The following STPG2 variants were observed in gnomAD, a reference collection of about 807,000 sequenced individuals.
STPG2 encodes sperm-tail PG-rich repeat-containing protein 2.
In STPG2, 56 loss-of-function variants were observed where a neutral mutation model predicts 54.2. The ratio of observed to expected loss-of-function variants is 1.03; its 90% CI spans 0.83 to 1.29. The LOEUF is 1.29. Among genes scored for constraint, STPG2 ranks in the 50% most tolerant of loss-of-function variants. The pLI is 0.00. For missense variants in STPG2, 596 were observed against 544.9 expected, an observed-to-expected ratio of 1.09 and a Z score of -0.93; for synonymous variants, 200 against 181.8, an observed-to-expected ratio of 1.10 and a Z score of -0.81.
intron 10 of STPG2, among the ~76,000 whole-genome samples, 159 bp from the exon 11 acceptor site, chr4:97,559,276 T>C (rs1352009522): frequency 6.6e-6 from 1 of 152,218 alleles, no homozygotes; most frequent in East Asian, 1.9e-4. Context: ...AGAGCTTGTT[T>C]TATTACTTCG....
At chr4:97,958,652 C>T (rs543510587) in intron 7 of STPG2, among the ~76,000 whole-genome samples, 1 of 151,484 alleles carries the variant, frequency 6.6e-6, no homozygotes, top group East Asian at 1.9e-4. Context: ...CAAAGAAGGC[C>T]TTGTCCAACA....
intron 9 of STPG2, among the ~76,000 whole-genome samples, chr4:97,788,235 C>G (rs1465261038): frequency 6.6e-6 from 1 of 152,062 alleles, no homozygotes; most frequent in African/African-American, 2.4e-5. Context: ...CACTACCCTT[C>G]CCAGCCTCTG....
chr4:97,751,427 T>C (rs1725578006), intron 9 of STPG2, among the ~76,000 whole-genome samples: 1 of 151,854 alleles, frequency 6.6e-6, no homozygotes, highest in Non-Finnish European at 1.5e-5. Context: ...TTTCTTAAAG[T>C]TATGGTGACA....
chr4:97,814,316 A>G (rs1008559402), intron 9 of STPG2, among the ~76,000 whole-genome samples: 5 of 151,822 alleles, frequency 3.3e-5, no homozygotes, highest in African/African-American at 1.2e-4. Flanking sequence ...ACTTTCTAAG[A>G]TACATTTTGT....
intron 8 of STPG2, among the ~76,000 whole-genome samples, chr4:97,862,717 G>T (rs1444987006): frequency 6.6e-6 from 1 of 152,110 alleles, no homozygotes; most frequent in East Asian, 1.9e-4. Flanking sequence ...CTCAGCAAAT[G>T]TAAAAGTACA....
intron 10 of STPG2, among the ~76,000 whole-genome samples, chr4:97,664,810 G>T (rs557268975): frequency 6.6e-6 from 1 of 152,122 alleles, no homozygotes; most frequent in African/African-American, 2.4e-5. Context: ...TTTTGCTCAG[G>T]TCTGCTGGGC....
chr4:97,632,558 A>AT (rs1350223789), intron 10 of STPG2, among the ~76,000 whole-genome samples: 4 of 152,134 alleles, frequency 2.6e-5, no homozygotes, highest in Non-Finnish European at 5.9e-5. Context: ...CTGAAATGTA[A>AT]TGTACATATA....
intron 9 of STPG2, among the ~76,000 whole-genome samples, chr4:97,824,871 T>C (rs556875831): frequency 1.4e-4 from 21 of 152,260 alleles, no homozygotes; most frequent in African/African-American, 5.1e-4. Context: ...TCTGGGTTGA[T>C]ACCTGCATGA....
rs373963564 is a variant in STPG2, at chr4:97,586,890, A to G, written c.1321-27773T>C. The stretch of plus-strand genomic sequence containing the variant: ...GAGCATCGGCAAGGAAGAAGAAACC[A>G]CAGAGCAGAAATATGGATACACTCA... On this transcript the variant is annotated intron_variant, in intron 10 of 10. Coordinates refer to ENST00000295268, the MANE Select transcript of STPG2 (RefSeq NM_174952.3). Among the ~76,000 whole-genome samples, 51 of 152,090 alleles carry G rather than the reference A, an allele frequency of 3.4e-4. No individual in the cohort carries two copies. In the East Asian group the frequency reaches 9.6e-3, roughly 29 times the overall value.
chr4:97,465,841 G>A (rs981315783), intron 4 of STPG2, among the ~76,000 whole-genome samples: 1 of 151,794 alleles, frequency 6.6e-6, no homozygotes, highest in African/African-American at 2.4e-5. Context: ...TCCATGGTTG[G>A]TGAAATCTGT....
intron 10 of STPG2, among the ~76,000 whole-genome samples, chr4:97,647,959 C>A (rs2148950854): frequency 6.6e-6 from 1 of 152,142 alleles, no homozygotes; most frequent in Non-Finnish European, 1.5e-5. Flanking sequence ...GAGGGAGATC[C>A]CATGTTGTTA....
chr4:98,088,455 T>C (rs1738591385), intron 5 of STPG2, among the ~76,000 whole-genome samples: 1 of 152,146 alleles, frequency 6.6e-6, no homozygotes, highest in East Asian at 1.9e-4. Context: ...AGTTTCTTTT[T>C]AGCTTCTAAA....
intron 5 of STPG2, chr4:98,025,977 C>T: frequency 8.6e-7 from 1 of 1,166,380 alleles, no homozygotes; most frequent in East Asian, 2.3e-5. Flanking sequence ...ACAGGAAGCA[C>T]ATTGTGGGCC....
At chr4:97,940,330 T>C (rs1732929094) in intron 8 of STPG2, among the ~76,000 whole-genome samples, 1 of 152,206 alleles carries the variant, frequency 6.6e-6, no homozygotes. Flanking sequence ...TTTTCTGAAT[T>C]TGACTGTTGG....
chr4:97,864,010 T>A (rs887975379), intron 8 of STPG2, among the ~76,000 whole-genome samples: 2 of 152,158 alleles, frequency 1.3e-5, no homozygotes, highest in African/African-American at 4.8e-5. Context: ...GGACAAAAAC[T>A]GGAAGCATTC....
chr4:98,116,300 AT>A (rs1739525364), intron 3 of STPG2, among the ~76,000 whole-genome samples: 1 of 151,918 alleles, frequency 6.6e-6, no homozygotes, highest in Non-Finnish European at 1.5e-5. Flanking sequence ...GATGTAAGTT[AT>A]GAGTGATTAG....
At chr4:97,865,452 G>A (rs927119770) in intron 8 of STPG2, among the ~76,000 whole-genome samples, 4 of 152,158 alleles carry the variant, frequency 2.6e-5, no homozygotes, top group Admixed American at 2.0e-4. Flanking sequence ...GTGCTGGAGA[G>A]GATGTGGAAA....
At chr4:98,045,735 T>A (rs1737104721) in intron 5 of STPG2, among the ~76,000 whole-genome samples, 1 of 152,146 alleles carries the variant, frequency 6.6e-6, no homozygotes, top group South Asian at 2.1e-4. Context: ...TTTTAATAAA[T>A]CTGCTGATTG....
chr4:98,137,652 A>C (rs1352399441), intron 1 of STPG2, among the ~76,000 whole-genome samples: 1 of 151,878 alleles, frequency 6.6e-6, no homozygotes, highest in African/African-American at 2.4e-5. Context: ...GGTAGTTGGC[A>C]TCAGAACACA....
Sources: allele counts gnomAD v4.1 joint callset (sites outside exome capture counted in the v4.1 genomes callset), GRCh38; gene constraint gnomAD v4.1.1; transcripts MANE v1.5; gene names NCBI Gene and HGNC (gene_info 2026-07-23, HGNC 2026-07-21).